The following LIPC variants were observed in gnomAD, a reference collection of about 807,000 sequenced individuals.
LIPC encodes the protein hepatic triacylglycerol lipase.
A neutral mutation model predicts 50.7 loss-of-function variants in LIPC; 44 were observed. The ratio of observed to expected loss-of-function variants is 0.87; its 90% CI spans 0.68 to 1.11. The LOEUF is 1.11. Ranked by LOEUF, LIPC falls within the 50% of genes most tolerant of loss-of-function variation. LIPC has a pLI of 0.00. For missense variants in LIPC, 697 were observed against 648.2 expected (o/e 1.08, Z -0.82); for synonymous variants, 271 against 256.4 (o/e 1.06, Z -0.54).
chr15:58,555,058 A>G (rs1893888023), intron 6 of LIPC, among the ~76,000 whole-genome samples: 1 of 152,142 alleles, frequency 6.6e-6, no homozygotes, highest in Non-Finnish European at 1.5e-5. Context: ...CTAGGGACAC[A>G]TGTTGTAGAA....
chr15:58,519,121 C>T (rs1409415247), intron 1 of LIPC, among the ~76,000 whole-genome samples: 5 of 152,058 alleles, frequency 3.3e-5, no homozygotes, highest in Admixed American at 1.3e-4. Context: ...AACAGAACTA[C>T]ACTTCAGCCA....
chr15:58,491,936 C>CT, intron 1 of LIPC, among the ~76,000 whole-genome samples: 1 of 152,320 alleles, frequency 6.6e-6, no homozygotes, highest in East Asian at 1.9e-4. Flanking sequence ...TCTGCCCACA[C>CT]TTTCACACAT....
At chr15:58,532,291 C>T (rs1388917177) in intron 1 of LIPC, among the ~76,000 whole-genome samples, 1 of 152,140 alleles carries the variant, frequency 6.6e-6, no homozygotes, top group Non-Finnish European at 1.5e-5. Context: ...TCCATCTTTC[C>T]ATCGTGCAAG....
At chr15:58,498,638 C>A (rs1891861651) in intron 1 of LIPC, 1 of 152,126 alleles carries the variant, frequency 6.6e-6, no homozygotes, top group South Asian at 2.1e-4. Flanking sequence ...GAAACACTGA[C>A]CTGGCCCAAG....
Position 58,538,419 on chromosome 15 carries a change from A to C in LIPC, c.175A>C (p.Asn59His), listed in dbSNP as rs1038667460. 3.7e-6 allele frequency: 6 copies of C among 1,614,204 alleles called. No homozygotes were observed. The highest frequency in any genetic ancestry group is 1.1e-5 in the South Asian group (1 of 91,082). The stretch of plus-strand genomic sequence containing the variant: ...CAGATTCCTGCTCTTTGGAGAAACC[A>C]ATCAGGGCTGTCAGATTCGAATCAA... ...KTRFLLFGET[N>H]QGCQIRINHP... is the part of the protein sequence containing the mutation. Residue 59 changes from asparagine (N) to histidine (H), a missense_variant, in exon 2 of 9, where the codon AAT becomes CAT. Asn to His is a moderately conservative substitution (Grantham distance 68). Transcript: ENST00000299022.
At chr15:58,540,225 T>C (rs1371348967) in intron 2 of LIPC, among the ~76,000 whole-genome samples, 1 of 152,236 alleles carries the variant, frequency 6.6e-6, no homozygotes, top group Non-Finnish European at 1.5e-5. Flanking sequence ...TTTACCAAAA[T>C]GCACTCTTCA....
chr15:58,560,924 C>G lies in LIPC; in HGVS notation c.1112C>G (p.Thr371Ser). 6.4e-7 allele frequency: 1 copy of G among 1,570,458 alleles called. No individual in the cohort carries two copies. Among genetic ancestry groups the G allele is most frequent in the Non-Finnish European group, 8.8e-7 (1 of 1,140,016 alleles). Residue 371 changes from threonine to serine, a missense_variant, in exon 7 of 9, where the codon ACT becomes AGT. Thr to Ser is a moderately conservative substitution (Grantham distance 58, BLOSUM62 1). Transcript: ENST00000299022. ...CAAACTGAGACACCAATACAAACAACTTTTACCATGTCACTACTCGGAACA... is the reference window on the plus strand; with the variant it reads ...CAAACTGAGACACCAATACAAACAAGTTTTACCATGTCACTACTCGGAACA... The part of the protein sequence containing the change: ...INQTETPIQT[T>S]FTMSLLGTKE...
intron 1 of LIPC, among the ~76,000 whole-genome samples, chr15:58,524,749 TG>T (rs1246141273): frequency 6.6e-6 from 1 of 152,254 alleles, no homozygotes; most frequent in Admixed American, 6.5e-5. Flanking sequence ...GCCCATTTTT[TG>T]TTCTGTGGGT....
intron 1 of LIPC, among the ~76,000 whole-genome samples, chr15:58,446,309 C>A (rs530404290): frequency 1.3e-5 from 2 of 152,280 alleles, no homozygotes; most frequent in South Asian, 4.1e-4. Context: ...TCAAGCGATT[C>A]TCATGCCTCA....
At chr15:58,448,161 A>C (rs2140663713) in intron 1 of LIPC, among the ~76,000 whole-genome samples, 1 of 152,334 alleles carries the variant, frequency 6.6e-6, no homozygotes, top group East Asian at 1.9e-4. Flanking sequence ...ATTAGGGCCC[A>C]AATGTTGTCA....
At chr15:58,434,694 A>G (rs1893233991) in intron 1 of LIPC, among the ~76,000 whole-genome samples, 1 of 152,208 alleles carries the variant, frequency 6.6e-6, no homozygotes, top group Admixed American at 6.5e-5. Flanking sequence ...TGAAGCCCAC[A>G]TGGCACATCA....
intron 1 of LIPC, among the ~76,000 whole-genome samples, chr15:58,519,324 T>C (rs1450489601): frequency 6.7e-6 from 1 of 149,048 alleles, no homozygotes; most frequent in Non-Finnish European, 1.5e-5. Context: ...AGCAGGAGAA[T>C]GGCGTGAACC....
At chr15:58,538,579 C>G (rs1028117899) in intron 2 of LIPC, 62 bp downstream of exon 2, 1 of 1,503,320 alleles carries the variant, frequency 6.7e-7, no homozygotes, top group East Asian at 2.3e-5. Flanking sequence ...TTCTTTCTAG[C>G]GTGTTCATGT....
chr15:58,506,617 A>G (rs570882751), intron 1 of LIPC, among the ~76,000 whole-genome samples: 13 of 152,326 alleles, frequency 8.5e-5, no homozygotes, highest in South Asian at 2.1e-4. Flanking sequence ...CTTTCTCTAC[A>G]TGATACAGAC....
chr15:58,516,072 A>G lies in LIPC; in HGVS notation c.89-22261A>G, dbSNP rs16940416. ...AGGATGAGTTTCCATCCCAACATCT[A>G]CCAACATACAAGGAGCCCAAGGCAA... On this transcript the variant is annotated intron_variant, in intron 1 of 8. Transcript: ENST00000299022. 3.5e-3 allele frequency among the ~76,000 whole-genome samples: 529 copies of G among 152,146 alleles called. 4 individuals carry two copies. Among genetic ancestry groups the G allele is most frequent in the African/African-American group, 0.012 (489 of 41,510 alleles).
At chr15:58,496,010 G>A (rs1275969510) in intron 1 of LIPC, among the ~76,000 whole-genome samples, 1 of 152,192 alleles carries the variant, frequency 6.6e-6, no homozygotes, top group African/African-American at 2.4e-5. Flanking sequence ...GGAAGCTTGA[G>A]GAGATTAAGT....
At chr15:58,456,881 T>G (rs887419341) in intron 1 of LIPC, among the ~76,000 whole-genome samples, 2 of 152,334 alleles carry the variant, frequency 1.3e-5, no homozygotes, top group South Asian at 4.1e-4. Flanking sequence ...AAAACAGAAG[T>G]TATTCTAGAG....
intron 1 of LIPC, among the ~76,000 whole-genome samples, chr15:58,452,282 C>T (rs35138338): frequency 0.21 from 31,916 of 152,138 alleles, 4,255 homozygotes; most frequent in Middle Eastern, 0.39. Flanking sequence ...TGGGTTTTAA[C>T]GCACCCTCTG....
At chr15:58,483,754 C>T (rs201806246) in intron 1 of LIPC, among the ~76,000 whole-genome samples, 1 of 152,076 alleles carries the variant, frequency 6.6e-6, no homozygotes, top group East Asian at 1.9e-4. Flanking sequence ...AATGAGACCT[C>T]TTTTTTCCTA....
Sources: allele counts gnomAD v4.1 joint callset (sites outside exome capture counted in the v4.1 genomes callset), GRCh38; gene constraint gnomAD v4.1.1; transcripts MANE v1.5; gene names NCBI Gene and HGNC (gene_info 2026-07-23, HGNC 2026-07-21).